TXNDC16: variants seen among roughly 807,000 people sequenced by gnomAD.
TXNDC16 encodes thioredoxin domain containing 16.
A neutral mutation model predicts 85.6 loss-of-function variants in TXNDC16; 74 were observed. The ratio of observed to expected loss-of-function variants is 0.86; its 90% CI spans 0.72 to 1.05. The LOEUF (loss-of-function observed/expected upper bound fraction) is 1.05, where lower values mean the gene tolerates loss of function less well. Among genes scored for constraint, TXNDC16 ranks in the 50% least tolerant of loss-of-function variants. The pLI, the probability that TXNDC16 is intolerant of heterozygous loss-of-function variation, is 0.00. For missense variants in TXNDC16, 959 were observed against 947.0 expected (o/e 1.01, Z -0.17); for synonymous variants, 335 against 326.5 (o/e 1.03, Z -0.28).
At chr14:52,449,710 C>A (rs1330706760) in intron 18 of TXNDC16, among the ~76,000 whole-genome samples, 2 of 152,036 alleles carry the variant, frequency 1.3e-5, no homozygotes, top group East Asian at 3.9e-4. Context: ...ATAAAACAAG[C>A]CTTATAACAT....
At chr14:52,443,512 A>G (rs2035211418) in intron 18 of TXNDC16, among the ~76,000 whole-genome samples, 1 of 152,244 alleles carries the variant, frequency 6.6e-6, no homozygotes. Flanking sequence ...TGGATAAAGA[A>G]TAAGATCTTG....
chr14:52,492,481 C>G (rs1472951617), intron 9 of TXNDC16, among the ~76,000 whole-genome samples: 7 of 152,198 alleles, frequency 4.6e-5, no homozygotes, highest in Non-Finnish European at 8.8e-5. Context: ...CCATAGATGT[C>G]TCCCAGACAA....
chr14:52,507,629 A>G (rs2036843824), intron 9 of TXNDC16, among the ~76,000 whole-genome samples: 1 of 152,224 alleles, frequency 6.6e-6, no homozygotes. Flanking sequence ...GAAAAGAACA[A>G]AGCTGGAGGC....
chr14:52,445,276 T>C (rs2035254123), intron 18 of TXNDC16, among the ~76,000 whole-genome samples: 1 of 152,154 alleles, frequency 6.6e-6, no homozygotes, highest in Non-Finnish European at 1.5e-5. Context: ...TTTAGAAACA[T>C]ACATCATGAA....
In TXNDC16 at chr14:52,432,478, C is replaced by T; in HGVS notation, c.2304G>A (p.Met768Ile). 6.2e-7 allele frequency: 1 copy of T among 1,614,020 alleles called. No homozygotes were observed. Among genetic ancestry groups the T allele is most frequent in the South Asian group, 1.1e-5 (1 of 91,068 alleles). The change falls in exon 21 of 21, where the codon ATG becomes ATA. Residue 768 changes from methionine to isoleucine, a missense_variant. Coordinates refer to ENST00000281741, the MANE Select transcript of TXNDC16 (RefSeq NM_020784.3). ...QRGTRKVPKC[M>I]KETDVQENDK... ...CATTCTCCTGCACATCTGTTTCTTTCATACACTTGGGAACTTTCCTAGTGC... is the reference window on the plus strand; with the variant it reads ...CATTCTCCTGCACATCTGTTTCTTTTATACACTTGGGAACTTTCCTAGTGC...
intron 11 of TXNDC16, among the ~76,000 whole-genome samples, chr14:52,489,944 C>A (rs1314136355): frequency 6.6e-6 from 1 of 152,122 alleles, no homozygotes; most frequent in Non-Finnish European, 1.5e-5. Context: ...TCAAGTGATT[C>A]TCCCACCTCA....
At chr14:52,546,616 T>G (rs1187625229) in intron 1 of TXNDC16, among the ~76,000 whole-genome samples, 1 of 152,222 alleles carries the variant, frequency 6.6e-6, no homozygotes, top group Non-Finnish European at 1.5e-5. Context: ...AATGCCCAAA[T>G]GCTGTCTATT....
chr14:52,548,556 C>T (rs2037985348), intron 1 of TXNDC16, among the ~76,000 whole-genome samples: 1 of 152,078 alleles, frequency 6.6e-6, no homozygotes, highest in South Asian at 2.1e-4. Flanking sequence ...AGTGGTATAC[C>T]GAGTTGGTCA....
chr14:52,532,671 C>T (rs974601809), intron 6 of TXNDC16, among the ~76,000 whole-genome samples: 3 of 151,994 alleles, frequency 2.0e-5, no homozygotes, highest in Admixed American at 6.6e-5. Context: ...CTCCTGACCT[C>T]GTGATCTGCC....
At chr14:52,505,900 G>A (rs565664511) in intron 9 of TXNDC16, among the ~76,000 whole-genome samples, 9 of 152,194 alleles carry the variant, frequency 5.9e-5, no homozygotes, top group South Asian at 2.1e-4. Flanking sequence ...TATCACCACC[G>A]ATCCCACAGA....
intron 14 of TXNDC16, among the ~76,000 whole-genome samples, chr14:52,472,830 A>T (rs934382972): frequency 1.5e-4 from 23 of 152,170 alleles, no homozygotes; most frequent in Admixed American, 1.5e-3. Flanking sequence ...AGTGAAAAGC[A>T]GCCCCAAATC....
intron 9 of TXNDC16, 56 bp downstream of exon 9, chr14:52,511,184 T>C: frequency 3.7e-6 from 5 of 1,363,762 alleles, no homozygotes; most frequent in Non-Finnish European, 4.8e-6. Flanking sequence ...GACACATACC[T>C]TTTGCAATTA....
chr14:52,506,521 A>G (rs1400383623), intron 9 of TXNDC16, among the ~76,000 whole-genome samples: 2 of 141,284 alleles, frequency 1.4e-5, no homozygotes, highest in Non-Finnish European at 3.0e-5. Context: ...ACAAATTTCA[A>G]CAACCCTTTT....
At chr14:52,505,513 C>G (rs979670766) in intron 9 of TXNDC16, among the ~76,000 whole-genome samples, 19 of 152,158 alleles carry the variant, frequency 1.2e-4, no homozygotes, top group African/African-American at 4.6e-4. Context: ...GTCTTTGAAA[C>G]CAATGAGAAC....
chr14:52,469,153 C>T (rs1158060267), intron 16 of TXNDC16, among the ~76,000 whole-genome samples: 1 of 151,834 alleles, frequency 6.6e-6, no homozygotes. Flanking sequence ...TCAAGACCAG[C>T]CTGGGCAACA....
At chr14:52,508,508 G>C (rs1365148974) in intron 9 of TXNDC16, among the ~76,000 whole-genome samples, 1 of 152,038 alleles carries the variant, frequency 6.6e-6, no homozygotes, top group East Asian at 1.9e-4. Context: ...GTCAGTGTGG[G>C]GATTCCTCAG....
intron 6 of TXNDC16, among the ~76,000 whole-genome samples, chr14:52,529,872 CTATTATATA>C (rs1443730197): frequency 1.0e-5 from 1 of 96,534 alleles, no homozygotes; most frequent in Non-Finnish European, 1.9e-5. Flanking sequence ...AATATGATAC[CTATTATATA>C]TATGAATTAT....
chr14:52,521,010 ACT>A (rs2037196406), intron 6 of TXNDC16, among the ~76,000 whole-genome samples: 1 of 152,042 alleles, frequency 6.6e-6, no homozygotes, highest in African/African-American at 2.4e-5. Flanking sequence ...ATATTTATTA[ACT>A]CTTTTAAAAA....
chr14:52,450,666 T>C (rs370351078), intron 18 of TXNDC16, among the ~76,000 whole-genome samples: 16 of 152,184 alleles, frequency 1.1e-4, no homozygotes, highest in African/African-American at 3.9e-4. Context: ...CTGGTGGGAA[T>C]GTAAACTAGT....
Sources: allele counts gnomAD v4.1 joint callset (sites outside exome capture counted in the v4.1 genomes callset), GRCh38; gene constraint gnomAD v4.1.1; transcripts MANE v1.5; gene names NCBI Gene and HGNC (gene_info 2026-07-23, HGNC 2026-07-21).